The following PARD3B variants were observed in gnomAD, a reference collection of about 807,000 sequenced individuals.
PARD3B encodes the protein partitioning defective 3 homolog B.
A neutral mutation model predicts 130.2 loss-of-function variants in PARD3B; 103 were observed. The observed-to-expected ratio is 0.79, with a 90% CI of 0.67 to 0.93. The LOEUF is 0.93. Ranked by LOEUF, PARD3B falls within the 40% of genes least tolerant of loss-of-function variation. The pLI is 0.00. For synonymous variants in PARD3B, 583 were observed against 553.2 expected (o/e 1.05, Z -0.76); for missense variants, 1,609 against 1,499.2 (o/e 1.07, Z -1.21).
chr2:205,159,072 G>C (rs909746066), intron 11 of PARD3B, among the ~76,000 whole-genome samples, 165 bp downstream of exon 11: 42 of 152,180 alleles, frequency 2.8e-4, no homozygotes, highest in Non-Finnish European at 3.1e-4. Flanking sequence ...ATAACTGGCT[G>C]CTGTTTTTGT....
At chr2:204,843,350 TACAGAACTC>T (rs2044325893) in intron 2 of PARD3B, among the ~76,000 whole-genome samples, 1 of 152,144 alleles carries the variant, frequency 6.6e-6, no homozygotes, top group Admixed American at 6.5e-5. Flanking sequence ...TAATCATCTG[TACAGAACTC>T]ACAGAACTCA....
chr2:205,323,211 A>AC, intron 18 of PARD3B, among the ~76,000 whole-genome samples: 1 of 151,966 alleles, frequency 6.6e-6, no homozygotes, highest in African/African-American at 2.4e-5. Flanking sequence ...GCCTGGCCTA[A>AC]CACCCCCTTT....
rs1403331119 is a variant in PARD3B at position 204,675,092 on chromosome 2, A to G, written c.121-11089A>G. Among the ~76,000 whole-genome samples the G allele has an allele frequency of 3.9e-5, 6 of 152,232 alleles. No homozygotes were observed. In the South Asian group the frequency reaches 6.2e-4, roughly 16 times the overall value. On this transcript the variant is annotated intron_variant, in intron 1 of 22. Coordinates refer to ENST00000406610, the MANE Select transcript of PARD3B (RefSeq NM_001302769.2). The surrounding 1 kb of genome is among the most constrained non-coding windows in gnomAD (Gnocchi z 4.4). The stretch of plus-strand genomic sequence containing the variant: ...CCTCTGGACCACACAAGTTTCTAAA[A>G]CCTTGGCATCCAGGGCTTTGGACTA...
At chr2:205,320,420 C>T (rs2042713479) in intron 18 of PARD3B, among the ~76,000 whole-genome samples, 1 of 152,136 alleles carries the variant, frequency 6.6e-6, no homozygotes, top group Non-Finnish European at 1.5e-5. Context: ...TTCAGTTTTG[C>T]ATTTTAAGTG....
rs1177658212 is a variant in PARD3B at position 204,768,874 on chromosome 2, T to C, written c.222+82592T>C. 8.7e-5 allele frequency among the ~76,000 whole-genome samples: 4 copies of C among 45,818 alleles called. No individual in the cohort carries two copies. In the East Asian group the frequency reaches 2.8e-3, roughly 32 times the overall value. The allele number at this position is 45,818 out of a possible 152,430, so 30.1% of individuals were successfully genotyped here. A position where few individuals can be genotyped will look rare whatever the true frequency, so the allele number is the denominator to read the frequency against. On this transcript the variant is annotated intron_variant, in intron 2 of 22. Transcript: ENST00000406610. ...TTTGTATCCTGAGACTTTGCTGAAG[T>C]TGCTTATCAGCTTAAGGAGATTTTG...
At position 205,176,251 on chromosome 2, in the gene PARD3B, G is replaced by GT. The variant is rs2035461584; in HGVS notation, c.1792-193dup. On this transcript the variant is annotated intron_variant, in intron 12 of 22. Transcript: ENST00000406610. This position sits in a 1 kb window ranked among gnomAD's most constrained non-coding sequence, Gnocchi z 5.3. ...AGCACTCCTAATCCTTAGCACCACAGTGTCAGTACTTTTTATTTTAGACTC... is the reference window on the plus strand; with the variant it reads ...AGCACTCCTAATCCTTAGCACCACAGTTGTCAGTACTTTTTATTTTAGACTC... Among the ~76,000 whole-genome samples the GT allele has an allele frequency of 6.6e-6, 1 of 152,176 alleles. No homozygotes were observed. Among genetic ancestry groups the GT allele is most frequent in the African/African-American group, 2.4e-5 (1 of 41,452 alleles).
intron 2 of PARD3B, among the ~76,000 whole-genome samples, chr2:204,800,752 T>C (rs2042538895): frequency 6.6e-6 from 1 of 152,310 alleles, no homozygotes; most frequent in South Asian, 2.1e-4. Flanking sequence ...TTTGTTGCCA[T>C]TGCTTTTGGT....
chr2:205,597,652 A>G (rs1426319581), intron 22 of PARD3B, among the ~76,000 whole-genome samples: 1 of 152,190 alleles, frequency 6.6e-6, no homozygotes, highest in African/African-American at 2.4e-5. Context: ...GTGTATGAGT[A>G]TTCCCCTTTC....
chr2:205,149,278 A>G (rs775686512), intron 10 of PARD3B, among the ~76,000 whole-genome samples: 2 of 152,004 alleles, frequency 1.3e-5, no homozygotes, highest in Non-Finnish European at 2.9e-5. Context: ...TCTTAAACCC[A>G]TGTTGGCCAG....
rs10564722 is a variant in PARD3B at position 205,473,735 on chromosome 2, AATAT to A, written c.3045-26143_3045-26140del. On this transcript the variant is annotated intron_variant, in intron 20 of 22. Transcript: ENST00000406610. The surrounding 1 kb of genome is among the most constrained non-coding windows in gnomAD (Gnocchi z 4.9). The stretch of plus-strand genomic sequence containing the variant: ...ACACACACACGTATATAAAACCCTA[AATAT>A]ATATATATATATATATAACCTTAAA... Among the ~76,000 whole-genome samples, 9,658 of 125,664 alleles carry A rather than the reference AATAT, an allele frequency of 0.077. 931 individuals carry two copies. The highest frequency in any genetic ancestry group is 0.23 in the African/African-American group (8,187 of 36,202). 82.4% of individuals were successfully genotyped at this position (125,664 alleles called of 152,430 possible).
At chr2:204,725,586 C>A (rs751010027) in intron 2 of PARD3B, among the ~76,000 whole-genome samples, 1 of 152,106 alleles carries the variant, frequency 6.6e-6, no homozygotes, top group Non-Finnish European at 1.5e-5. Flanking sequence ...GACATCCACT[C>A]GTCATCTTCA....
At chr2:204,974,982 A>G (rs1559316629) in intron 3 of PARD3B, among the ~76,000 whole-genome samples, 1 of 152,204 alleles carries the variant, frequency 6.6e-6, no homozygotes, top group African/African-American at 2.4e-5. Context: ...CTTAAAATAA[A>G]TTACTGGATG....
chr2:205,428,390 A>G (rs1324631741), intron 19 of PARD3B, among the ~76,000 whole-genome samples: 2 of 151,970 alleles, frequency 1.3e-5, no homozygotes, highest in East Asian at 3.9e-4. Context: ...AAAAAATAAA[A>G]TAAAATAAAA....
intron 3 of PARD3B, among the ~76,000 whole-genome samples, chr2:204,994,951 T>C (rs1694023704): frequency 6.6e-6 from 1 of 151,286 alleles, no homozygotes; most frequent in Admixed American, 6.6e-5. Flanking sequence ...TCCTCCATCC[T>C]TTTATTTTGA....
At chr2:204,797,287 T>C (rs1002276829) in intron 2 of PARD3B, among the ~76,000 whole-genome samples, 2 of 151,416 alleles carry the variant, frequency 1.3e-5, no homozygotes, top group African/African-American at 4.9e-5. Context: ...ACATATGAAA[T>C]AACTTTTTCA....
rs116722929 is a variant in PARD3B, at chr2:205,235,018, G to T, written c.2141-10760G>T. ...AAATAAAAACACTTCCTATAAAAAT[G>T]TGTGGGATAAGAAAAATTGTGAGAT... On this transcript the variant is annotated intron_variant, in intron 15 of 22. Coordinates refer to ENST00000406610, the MANE Select transcript of PARD3B (RefSeq NM_001302769.2). 6.4e-3 allele frequency among the ~76,000 whole-genome samples: 979 copies of T among 152,260 alleles called. 13 individuals carry two copies. Among genetic ancestry groups the T allele is most frequent in the African/African-American group, 0.022 (923 of 41,560 alleles).
At position 205,113,589 on chromosome 2, in the gene PARD3B, T is replaced by A; in HGVS notation, c.680+12T>A. 1.2e-6 allele frequency: 2 copies of A among 1,600,618 alleles called. No individual in the cohort carries two copies. The highest frequency in any genetic ancestry group is 1.7e-6 in the Non-Finnish European group (2 of 1,169,962). On this transcript the variant is annotated intron_variant, in intron 6 of 22. Transcript: ENST00000406610. The stretch of plus-strand genomic sequence containing the variant: ...TCTCTGAGTGGAAGGTAAGATGTTT[T>A]TCTCATTCCAGAAGCTCATGCTAAT...
intron 16 of PARD3B, among the ~76,000 whole-genome samples, chr2:205,286,894 T>C (rs2041415901): frequency 6.6e-6 from 1 of 152,226 alleles, no homozygotes; most frequent in South Asian, 2.1e-4. Flanking sequence ...CCATTCTATT[T>C]TTCTAAATTG....
chr2:204,706,545 A>C (rs1038524464), intron 2 of PARD3B, among the ~76,000 whole-genome samples: 16 of 152,100 alleles, frequency 1.1e-4, no homozygotes, highest in African/African-American at 3.4e-4. Context: ...TACTTTGAAA[A>C]ATATGAAATA....
Sources: allele counts gnomAD v4.1 joint callset (sites outside exome capture counted in the v4.1 genomes callset), GRCh38; gene constraint gnomAD v4.1.1; non-coding constraint Gnocchi (gnomAD v3.1); transcripts MANE v1.5; gene names NCBI Gene and HGNC (gene_info 2026-07-23, HGNC 2026-07-21).